The following YLPM1 variants were observed in gnomAD, a reference collection of about 807,000 sequenced individuals.
The protein encoded by YLPM1 is YLP motif-containing protein 1.
YLPM1 carries 99 observed loss-of-function variants against 230.0 expected under a neutral mutation model. The observed-to-expected ratio is 0.43, with a 90% confidence interval of 0.37 to 0.51. The LOEUF is 0.51. Among genes scored for constraint, YLPM1 ranks in the 20% least tolerant of loss-of-function variants. The pLI, the probability that YLPM1 is intolerant of heterozygous loss-of-function variation, is 0.00. For synonymous variants in YLPM1, 984 were observed against 942.5 expected (o/e 1.04, Z -0.81); for missense variants, 2,592 against 2,707.7 (o/e 0.96, Z 0.95).
Position 74,778,437 on chromosome 14 carries a change from T to A in YLPM1, c.874-10T>A. 6.3e-7 allele frequency: 1 copy of A among 1,579,076 alleles called. No individual in the cohort carries two copies. The highest frequency in any genetic ancestry group is 1.2e-5 in the South Asian group (1 of 85,362). Reference sequence around the variant, plus strand: ...TCAATCAAAATTCTCAAAAATTGTTTCTGTTGTAGGAACAGCAGCAGTATT... The same window carrying A: ...TCAATCAAAATTCTCAAAAATTGTTACTGTTGTAGGAACAGCAGCAGTATT... On this transcript the variant is annotated splice_polypyrimidine_tract_variant and intron_variant, in intron 1 of 20. Transcript: ENST00000325680.
intron 1 of YLPM1, among the ~76,000 whole-genome samples, chr14:74,777,888 T>C (rs1389526296): frequency 1.3e-5 from 2 of 151,868 alleles, no homozygotes; most frequent in Non-Finnish European, 2.9e-5. Flanking sequence ...GGTGGGAGGA[T>C]TGCTTGAGCC....
intron 9 of YLPM1, 87 bp downstream of exon 9, chr14:74,810,507 T>C: frequency 7.3e-7 from 1 of 1,366,852 alleles, no homozygotes; most frequent in Non-Finnish European, 1.0e-6. Flanking sequence ...AAGTAACATA[T>C]TCTTCTCATG....
rs139518349 is a variant in YLPM1 at position 74,783,844 on chromosome 14, A to G, written c.2282+1519A>G. 3.9e-3 allele frequency among the ~76,000 whole-genome samples: 593 copies of G among 152,326 alleles called. 7 individuals carry two copies. The highest frequency in any genetic ancestry group is 0.012 in the African/African-American group (508 of 41,578). On this transcript the variant is annotated intron_variant, in intron 4 of 20. Coordinates refer to ENST00000325680, the MANE Select transcript of YLPM1 (RefSeq NM_019589.3). ...TTATTATCTCATGGAAGTCTTCTCAACAACCTGTGAAGTAGGCAGATTATT... is the reference window on the plus strand; with the variant it reads ...TTATTATCTCATGGAAGTCTTCTCAGCAACCTGTGAAGTAGGCAGATTATT...
intron 18 of YLPM1, 85 bp from the exon 19 acceptor site, chr14:74,829,128 G>A (rs571504368): frequency 7.1e-6 from 11 of 1,547,192 alleles, no homozygotes; most frequent in Middle Eastern, 2.0e-4. Context: ...CTCTGAAAGC[G>A]TTCCAGCCTT....
chr14:74,767,818 ATT>A (rs747395491), intron 1 of YLPM1, among the ~76,000 whole-genome samples: 7 of 142,128 alleles, frequency 4.9e-5, no homozygotes, highest in African/African-American at 5.2e-5. Flanking sequence ...TGTCTTCCAC[ATT>A]TTTTTTTTTT....
intron 18 of YLPM1, chr14:74,827,623 A>T: frequency 1.9e-5 from 19 of 985,406 alleles, no homozygotes; most frequent in Non-Finnish European, 2.2e-5. Context: ...GAACTGAAAT[A>T]TGAAATTTTT....
intron 1 of YLPM1, among the ~76,000 whole-genome samples, chr14:74,766,246 AGAT>A (rs2140065056): frequency 6.6e-6 from 1 of 152,312 alleles, no homozygotes; most frequent in Admixed American, 6.5e-5. Context: ...TTGGTTTATT[AGAT>A]GATAAATATT....
chr14:74,763,444 C>T lies in YLPM1; in HGVS notation c.-46C>T. 1 of 1,375,356 alleles carries T rather than the reference C, an allele frequency of 7.3e-7. No homozygotes were observed. Among genetic ancestry groups the T allele is most frequent in the African/African-American group, 1.5e-5 (1 of 66,642 alleles). 85.2% of individuals were successfully genotyped at this position (1,375,356 alleles called of 1,614,324 possible). On this transcript the variant is annotated 5_prime_UTR_variant, in exon 1 of 21. Coordinates refer to ENST00000325680, the MANE Select transcript of YLPM1 (RefSeq NM_019589.3). The stretch of plus-strand genomic sequence containing the variant: ...CGCCGCGGCTCCTGGAGGTCGGTTG[C>T]GACGAGTAACGGCGCCAGGACGAGC...
rs569789149 is a variant in YLPM1 at position 74,834,215 on chromosome 14, A to G, written c.6295-1050A>G. On this transcript the variant is annotated intron_variant, in intron 19 of 20. Transcript: ENST00000325680. ...AAAAAAAAAAATTACAAAAATTTTT[A>G]AAAAGCATAATATGTAAGAATATAT... is the stretch of plus-strand genomic sequence containing the variant. Among the ~76,000 whole-genome samples, 4 of 151,410 alleles carry G rather than the reference A, an allele frequency of 2.6e-5. No homozygotes were observed. The South Asian group carries it at 8.3e-4, about 31-fold the overall frequency.
chr14:74,810,444 T>C, intron 9 of YLPM1, 24 bp downstream of exon 9: 1 of 1,609,484 alleles, frequency 6.2e-7, no homozygotes, highest in South Asian at 1.1e-5. Flanking sequence ...CAATCTTTGC[T>C]AGGTGTACAA....
rs896436258 is a variant in YLPM1 at position 74,799,106 on chromosome 14, G to C, written c.3809G>C (p.Arg1270Thr). 6.2e-7 allele frequency: 1 copy of C among 1,613,836 alleles called. No homozygotes were observed. Among genetic ancestry groups the C allele is most frequent in the Non-Finnish European group, 8.5e-7 (1 of 1,179,890 alleles). Reference sequence around the variant, plus strand: ...GGCCCTTGGTGGGATGATTGGGAGAGAGACCAGGATATGGATGAGGACTAC... The same window carrying C: ...GGCCCTTGGTGGGATGATTGGGAGACAGACCAGGATATGGATGAGGACTAC... ...RRGPWWDDWE[R>T]DQDMDEDYNR... The change falls in exon 5 of 21, where the codon AGA (arginine) becomes ACA (threonine). Residue 1270 changes from arginine to threonine, a missense_variant. Around this residue, in one of 4 missense-constraint regions of YLPM1, gnomAD observed 1,862 missense variants for 1,819.8 expected, o/e 1.02. Coordinates refer to ENST00000325680, the MANE Select transcript of YLPM1 (RefSeq NM_019589.3).
At position 74,809,744 on chromosome 14, in the gene YLPM1, C is replaced by T. The variant is rs778519089; in HGVS notation, c.4886C>T (p.Pro1629Leu). 1.2e-6 allele frequency: 2 copies of T among 1,614,034 alleles called. No individual in the cohort carries two copies. The highest frequency in any genetic ancestry group is 1.7e-6 in the Non-Finnish European group (2 of 1,179,904). The part of the protein sequence containing the change: ...PPGPVPMGMP[P>L]MSKPPPVQQT... ...GGCCCAGTGCCTATGGGTATGCCAC[C>T]AATGTCCAAGCCACCACCAGTACAA... The change falls in exon 7 of 21, where the codon CCA (proline) becomes CTA (leucine). Residue 1629 changes from proline to leucine, a missense_variant. By Grantham distance (98) the Pro-to-Leu change is moderately conservative (BLOSUM62 -3). Transcript: ENST00000325680.
intron 19 of YLPM1, among the ~76,000 whole-genome samples, chr14:74,832,598 T>C (rs924045011): frequency 2.0e-5 from 3 of 152,008 alleles, no homozygotes; most frequent in Non-Finnish European, 2.9e-5. Context: ...GCCTCCTGAG[T>C]AGCTGGGATT....
chr14:74,764,022 C>G lies in YLPM1; in HGVS notation c.533C>G (p.Thr178Ser), dbSNP rs764988374. The G allele has an allele frequency of 6.2e-7, 1 of 1,608,906 alleles. No homozygotes were observed. The highest frequency in any genetic ancestry group is 8.5e-7 in the Non-Finnish European group (1 of 1,177,850). ...CCGCCACCCTCTTACTACCCCCCGA[C>G]CTCATCTCAGCCCTACCTGCCTCCT... is the stretch of plus-strand genomic sequence containing the variant. ...PQPPPSYYPP[T>S]SSQPYLPPAQ... Residue 178 changes from threonine (T) to serine (S), a missense_variant, in exon 1 of 21, where the codon ACC (threonine) becomes AGC (serine). This residue lies in a region of YLPM1 where 1,862 missense variants were observed against 1,819.8 expected (regional missense o/e 1.02). Transcript: ENST00000325680.
At chr14:74,825,800 A>G (rs2091557021) in intron 18 of YLPM1, among the ~76,000 whole-genome samples, 1 of 152,160 alleles carries the variant, frequency 6.6e-6, no homozygotes. Context: ...GGCCTCATGT[A>G]ATACATGATC....
At chr14:74,795,196 C>T (rs907154707) in intron 4 of YLPM1, among the ~76,000 whole-genome samples, 4 of 152,180 alleles carry the variant, frequency 2.6e-5, no homozygotes, top group African/African-American at 9.7e-5. Context: ...CAGTTATCCC[C>T]AGTGAATACA....
rs112449321 is a variant in YLPM1 at position 74,802,751 on chromosome 14, G to C, written c.4521+75G>C. On this transcript the variant is annotated intron_variant, in intron 6 of 20. Transcript: ENST00000325680. ...TTTCTATGTTGTTTGATTTTTTTTA[G>C]AAGTTGAATAAATAACAAATTTCCT... The C allele has an allele frequency of 1.5e-4, 220 of 1,437,472 alleles. 1 individual carries two copies. In the African/African-American group the frequency reaches 2.7e-3, roughly 17 times the overall value. 89.0% of individuals were successfully genotyped at this position (1,437,472 alleles called of 1,614,324 possible).
intron 1 of YLPM1, among the ~76,000 whole-genome samples, chr14:74,770,696 C>T (rs1417889277): frequency 2.0e-5 from 3 of 152,068 alleles, no homozygotes; most frequent in Non-Finnish European, 2.9e-5. Flanking sequence ...CAATAAGGCT[C>T]ACTGAAAGCT....
chr14:74,817,946 C>A (rs1326263073), intron 15 of YLPM1, among the ~76,000 whole-genome samples: 1 of 151,738 alleles, frequency 6.6e-6, no homozygotes, highest in Non-Finnish European at 1.5e-5. Flanking sequence ...GTCCCAGCTA[C>A]TGGGGAGGCT....
Sources: gnomAD v4.1 joint callset for allele counts (sites outside exome capture counted in the v4.1 genomes callset) on GRCh38, gnomAD v4.1.1 for gene constraint, gnomAD v4.1.1 regional missense constraint, MANE v1.5 for transcripts, NCBI Gene and HGNC (gene_info 2026-07-23, HGNC 2026-07-21) for gene names.